Variants in ROBO1 observed in about 807,000 individuals in gnomAD.
ROBO1 encodes roundabout homolog 1.
A neutral mutation model predicts 195.9 loss-of-function variants in ROBO1; 149 were observed. That is an observed-to-expected ratio of 0.76 (90% CI 0.67 to 0.87). ROBO1 has a LOEUF of 0.87. Among genes scored for constraint, ROBO1 ranks in the 40% least tolerant of loss-of-function variants. The probability of loss-of-function intolerance (pLI) is 0.00; values close to 1 mark genes in which losing one functional copy is unlikely to be tolerated. For missense variants in ROBO1, 1,933 were observed against 2,068.3 expected, an observed-to-expected ratio of 0.93 and a Z score of 1.27; for synonymous variants, 816 against 733.2, an observed-to-expected ratio of 1.11 and a Z score of -1.82.
Position 79,568,267 on chromosome 3 carries a change from A to T in ROBO1, c.88+21557T>A, listed in dbSNP as rs913405695. Among the ~76,000 whole-genome samples the T allele has an allele frequency of 3.9e-5, 6 of 152,308 alleles. No individual in the cohort carries two copies. In the South Asian group the frequency reaches 6.2e-4, roughly 16 times the overall value. ...TTGTAGGGAAAATTGCTTGTCAATC[A>T]GCAAAGTTGAAACCGTCTATAGAGT... On this transcript the variant is annotated intron_variant, in intron 2 of 30. Transcript: ENST00000464233.
intron 3 of ROBO1, among the ~76,000 whole-genome samples, chr3:79,076,585 G>A (rs981824324): frequency 6.6e-6 from 1 of 151,502 alleles, no homozygotes; most frequent in Non-Finnish European, 1.5e-5. Context: ...TTTTTCAGGG[G>A]ATTTATTGAA....
chr3:78,845,354 T>C (rs1407331383), intron 4 of ROBO1, among the ~76,000 whole-genome samples: 2 of 151,984 alleles, frequency 1.3e-5, no homozygotes, highest in Admixed American at 6.6e-5. Flanking sequence ...TTATACTGGG[T>C]TAAATGATAT....
At chr3:79,452,323 C>G (rs760650096) in intron 2 of ROBO1, among the ~76,000 whole-genome samples, 6 of 152,092 alleles carry the variant, frequency 3.9e-5, no homozygotes, top group Non-Finnish European at 8.8e-5. Flanking sequence ...TATCACACCA[C>G]TCATATCCAC....
intron 3 of ROBO1, among the ~76,000 whole-genome samples, chr3:79,023,830 G>A (rs2108282241): frequency 1.3e-5 from 2 of 149,492 alleles, no homozygotes. Context: ...CATTCTCCCA[G>A]GTAGCTGGGA....
chr3:78,866,814 C>CA (rs2035211752), intron 4 of ROBO1, among the ~76,000 whole-genome samples: 1 of 152,038 alleles, frequency 6.6e-6, no homozygotes, highest in Non-Finnish European at 1.5e-5. Context: ...AATAGAGGGG[C>CA]AGGAGTAGGA....
chr3:79,004,366 C>T (rs1377755670), intron 3 of ROBO1, among the ~76,000 whole-genome samples: 2 of 152,164 alleles, frequency 1.3e-5, no homozygotes, highest in East Asian at 3.8e-4. Context: ...GAAATTCATA[C>T]TCCAATTTTA....
At chr3:79,334,336 ATATATATG>A (rs1170505829) in intron 2 of ROBO1, among the ~76,000 whole-genome samples, 3 of 134,484 alleles carry the variant, frequency 2.2e-5, no homozygotes, top group Admixed American at 8.1e-5. Context: ...ATATATGTGT[ATATATATG>A]TATATATGTA....
At chr3:79,374,780 CT>C (rs1238940952) in intron 2 of ROBO1, among the ~76,000 whole-genome samples, 3 of 152,042 alleles carry the variant, frequency 2.0e-5, no homozygotes, top group African/African-American at 7.2e-5. Flanking sequence ...CAAAAAAATT[CT>C]ATATTCTAGA....
intron 2 of ROBO1, among the ~76,000 whole-genome samples, chr3:79,505,215 AT>A (rs35524361): frequency 0.31 from 44,756 of 144,070 alleles, 7,297 homozygotes; most frequent in African/African-American, 0.47. Flanking sequence ...CTTTCTATAT[AT>A]TTTTTTTTTC....
At chr3:79,758,819 G>A (rs1704542837) in intron 1 of ROBO1, among the ~76,000 whole-genome samples, 1 of 151,958 alleles carries the variant, frequency 6.6e-6, no homozygotes, top group Non-Finnish European at 1.5e-5. Flanking sequence ...GAGTGCTGAA[G>A]AACTCAAACT....
chr3:79,360,442 C>T (rs2035725091), intron 2 of ROBO1, among the ~76,000 whole-genome samples: 1 of 151,300 alleles, frequency 6.6e-6, no homozygotes, highest in Non-Finnish European at 1.5e-5. Flanking sequence ...TTGTTTTCTC[C>T]ACCTTCTTTT....
chr3:79,165,645 A>G (rs2081050681), intron 2 of ROBO1, among the ~76,000 whole-genome samples: 1 of 152,224 alleles, frequency 6.6e-6, no homozygotes, highest in Non-Finnish European at 1.5e-5. Flanking sequence ...ATAAACTGCA[A>G]AAATTCAAGT....
At chr3:79,376,903 A>G (rs760966471) in intron 2 of ROBO1, among the ~76,000 whole-genome samples, 4 of 152,192 alleles carry the variant, frequency 2.6e-5, no homozygotes, top group African/African-American at 4.8e-5. Flanking sequence ...AAATAACAAG[A>G]TGTAAGGTTT....
At chr3:78,916,438 G>A (rs2038594645) in intron 4 of ROBO1, among the ~76,000 whole-genome samples, 2 of 150,514 alleles carry the variant, frequency 1.3e-5, no homozygotes, top group Admixed American at 6.6e-5. Flanking sequence ...TGTACTCCCA[G>A]CTATTCAGGA....
chr3:79,142,295 G>GT (rs1315450427), intron 2 of ROBO1, among the ~76,000 whole-genome samples: 1 of 152,066 alleles, frequency 6.6e-6, no homozygotes, highest in Admixed American at 6.6e-5. Flanking sequence ...GGGCACCAAT[G>GT]TTTTTGGCTG....
chr3:79,417,330 TCC>T (rs2106907962), intron 2 of ROBO1, among the ~76,000 whole-genome samples: 1 of 152,224 alleles, frequency 6.6e-6, no homozygotes, highest in Admixed American at 6.6e-5. Flanking sequence ...TGAGGGTTAG[TCC>T]ACTAACCAGA....
intron 2 of ROBO1, among the ~76,000 whole-genome samples, chr3:79,521,854 T>C (rs1474959958): frequency 6.6e-6 from 1 of 152,146 alleles, no homozygotes; most frequent in Non-Finnish European, 1.5e-5. Flanking sequence ...TCCAGGATGC[T>C]ACCTTGAATG....
At chr3:79,599,573 A>C (rs1393672769) in intron 1 of ROBO1, among the ~76,000 whole-genome samples, 1 of 151,986 alleles carries the variant, frequency 6.6e-6, no homozygotes, top group Non-Finnish European at 1.5e-5. Flanking sequence ...TCATTAAAGA[A>C]TCGATGGCAA....
At chr3:79,158,550 G>T (rs917313056) in intron 2 of ROBO1, among the ~76,000 whole-genome samples, 3 of 151,148 alleles carry the variant, frequency 2.0e-5, no homozygotes, top group Non-Finnish European at 3.0e-5. Flanking sequence ...CTTGTATTTT[G>T]GCTAGATATC....
Sources: allele counts gnomAD v4.1 joint callset (sites outside exome capture counted in the v4.1 genomes callset), GRCh38; gene constraint gnomAD v4.1.1; transcripts MANE v1.5; gene names NCBI Gene and HGNC (gene_info 2026-07-23, HGNC 2026-07-21).